Variants in PDE4D observed in about 807,000 individuals in gnomAD.
PDE4D encodes the protein phosphodiesterase 4D.
A neutral mutation model predicts 87.4 loss-of-function variants in PDE4D; 24 were observed. That is an observed-to-expected ratio of 0.27 (90% CI 0.20 to 0.39). The LOEUF (loss-of-function observed/expected upper bound fraction) is 0.39. PDE4D is among the 10% of genes least tolerant of loss of function. The probability of loss-of-function intolerance (pLI) is 1.00; values close to 1 mark genes in which losing one functional copy is unlikely to be tolerated. For synonymous variants in PDE4D, 384 were observed against 383.2 expected (o/e 1.00, Z -0.02); for missense variants, 714 against 1,041.0 (o/e 0.69, Z 4.32).
At chr5:59,180,426 C>G in intron 5 of PDE4D, 169 bp downstream of exon 5, 1 of 723,600 alleles carries the variant, frequency 1.4e-6, no homozygotes. Flanking sequence ...TTCCAAATAA[C>G]AGCTTAGACA....
At chr5:59,397,067 C>T (rs1185576763) in intron 1 of PDE4D, among the ~76,000 whole-genome samples, 1 of 131,592 alleles carries the variant, frequency 7.6e-6, no homozygotes. Flanking sequence ...CAGGAGCACC[C>T]AGATTCATAA....
intron 1 of PDE4D, among the ~76,000 whole-genome samples, chr5:59,566,063 C>T (rs531546247): frequency 3.5e-4 from 53 of 152,278 alleles, no homozygotes; most frequent in African/African-American, 1.2e-3. Context: ...ACTATACCAC[C>T]TCTTAGCCAG....
chr5:59,348,011 T>C (rs1183359294), intron 1 of PDE4D, among the ~76,000 whole-genome samples: 1 of 152,206 alleles, frequency 6.6e-6, no homozygotes, highest in Non-Finnish European at 1.5e-5. Flanking sequence ...TTATTTATTG[T>C]TAACTTGTTT....
At chr5:60,351,270 T>C (rs1759164625) in intron 1 of PDE4D, among the ~76,000 whole-genome samples, 1 of 152,188 alleles carries the variant, frequency 6.6e-6, no homozygotes, top group Non-Finnish European at 1.5e-5. Context: ...AGTTGCCCAC[T>C]AAATATCCAC....
chr5:60,053,365 G>A (rs1186398084), intron 2 of PDE4D, among the ~76,000 whole-genome samples: 1 of 152,018 alleles, frequency 6.6e-6, no homozygotes, highest in Non-Finnish European at 1.5e-5. Flanking sequence ...GGAACAGAAT[G>A]TAGACCTCAG....
intron 1 of PDE4D, among the ~76,000 whole-genome samples, chr5:60,289,876 GAC>G (rs1752736569): frequency 6.6e-6 from 1 of 152,182 alleles, no homozygotes; most frequent in Admixed American, 6.5e-5. Context: ...TCACCTTAGA[GAC>G]ACTGCAATTT....
intron 1 of PDE4D, among the ~76,000 whole-genome samples, chr5:60,375,882 TACA>T (rs1328482602): frequency 1.3e-5 from 2 of 152,100 alleles, no homozygotes; most frequent in African/African-American, 4.8e-5. Context: ...CTACTAAAAA[TACA>T]ACAATTAGCT....
At chr5:60,008,665 T>C (rs1435527873) in intron 2 of PDE4D, among the ~76,000 whole-genome samples, 2 of 151,986 alleles carry the variant, frequency 1.3e-5, no homozygotes, top group East Asian at 1.9e-4. Context: ...CTAAACCCAG[T>C]TCTATTCATG....
intron 3 of PDE4D, among the ~76,000 whole-genome samples, chr5:59,976,005 G>A (rs1245627899): frequency 2.0e-5 from 3 of 152,082 alleles, no homozygotes; most frequent in Admixed American, 6.6e-5. Context: ...TCTTGCACGT[G>A]CCCTACTTGA....
chr5:59,093,218 A>G (rs1213492075), intron 5 of PDE4D, among the ~76,000 whole-genome samples: 1 of 152,214 alleles, frequency 6.6e-6, no homozygotes, highest in African/African-American at 2.4e-5. Context: ...TGGAGGCAGC[A>G]GAATTAAGGA....
At chr5:60,138,675 G>A (rs968938708) in intron 2 of PDE4D, among the ~76,000 whole-genome samples, 4 of 151,990 alleles carry the variant, frequency 2.6e-5, no homozygotes, top group African/African-American at 9.7e-5. Flanking sequence ...TCTCAAAGAT[G>A]ATATTTCTGA....
chr5:60,133,932 T>A (rs772051614), intron 2 of PDE4D, among the ~76,000 whole-genome samples: 1 of 152,194 alleles, frequency 6.6e-6, no homozygotes, highest in Non-Finnish European at 1.5e-5. Context: ...AAAAATACCA[T>A]TTTCTTCAAT....
At chr5:59,722,230 G>A (rs1335415226) in intron 1 of PDE4D, among the ~76,000 whole-genome samples, 3 of 152,160 alleles carry the variant, frequency 2.0e-5, no homozygotes, top group Non-Finnish European at 4.4e-5. Context: ...TGCCAAAAAT[G>A]GCCTTCGTTT....
At chr5:59,786,663 T>C (rs1561660526) in intron 1 of PDE4D, among the ~76,000 whole-genome samples, 1 of 152,234 alleles carries the variant, frequency 6.6e-6, no homozygotes, top group African/African-American at 2.4e-5. Flanking sequence ...AAAAAGTACA[T>C]GAACATTTCC....
intron 1 of PDE4D, among the ~76,000 whole-genome samples, chr5:59,720,651 C>G (rs1379171540): frequency 1.3e-5 from 2 of 152,070 alleles, no homozygotes; most frequent in African/African-American, 4.8e-5. Context: ...AACCTGTAAA[C>G]AGTTACAACT....
At chr5:59,922,825 A>G (rs1198811937) in intron 3 of PDE4D, among the ~76,000 whole-genome samples, 1 of 151,746 alleles carries the variant, frequency 6.6e-6, no homozygotes, top group Non-Finnish European at 1.5e-5. Context: ...AGAAAAGGAG[A>G]AAGAAGGGTA....
At chr5:60,480,804 C>T (rs1748672680) in intron 1 of PDE4D, among the ~76,000 whole-genome samples, 1 of 152,072 alleles carries the variant, frequency 6.6e-6, no homozygotes, top group Admixed American at 6.6e-5. Context: ...TGAGACATAT[C>T]AGTGTTTTCA....
chr5:60,120,803 G>A (rs948776755), intron 2 of PDE4D, among the ~76,000 whole-genome samples: 4 of 152,136 alleles, frequency 2.6e-5, no homozygotes, highest in African/African-American at 7.2e-5. Context: ...TACCCACTGC[G>A]ATAGTTAACA....
intron 1 of PDE4D, among the ~76,000 whole-genome samples, chr5:60,335,825 G>A (rs1179403257): frequency 6.6e-6 from 1 of 152,178 alleles, no homozygotes; most frequent in Admixed American, 6.5e-5. Flanking sequence ...GGGTTCAGAG[G>A]AGCATGGCTA....
Sources: allele counts gnomAD v4.1 joint callset (sites outside exome capture counted in the v4.1 genomes callset), GRCh38; gene constraint gnomAD v4.1.1; transcripts MANE v1.5; gene names NCBI Gene and HGNC (gene_info 2026-07-23, HGNC 2026-07-21).